Variants in SLC14A2 observed in about 807,000 individuals in gnomAD.
SLC14A2 encodes the protein urea transporter 2.
SLC14A2 carries 91 observed loss-of-function variants against 104.6 expected under a neutral mutation model. That is an observed-to-expected ratio of 0.87 (90% confidence interval 0.73 to 1.04). The LOEUF (loss-of-function observed/expected upper bound fraction) is 1.04, where lower values mean the gene tolerates loss of function less well. SLC14A2 is among the 50% of genes least tolerant of loss of function. SLC14A2 has a pLI of 0.00. For missense variants in SLC14A2, 1,189 were observed against 1,156.0 expected, an observed-to-expected ratio of 1.03 and a Z score of -0.41; for synonymous variants, 476 against 466.4, an observed-to-expected ratio of 1.02 and a Z score of -0.27.
At chr18:45,268,999 T>G (rs1312335221) in intron 1 of SLC14A2, among the ~76,000 whole-genome samples, 7 of 147,824 alleles carry the variant, frequency 4.7e-5, no homozygotes, top group Non-Finnish European at 1.1e-4. Context: ...CAAAACGGGA[T>G]GGGAGGAGGC....
chr18:45,477,853 C>G (rs2087414531), intron 1 of SLC14A2, among the ~76,000 whole-genome samples: 1 of 152,186 alleles, frequency 6.6e-6, no homozygotes, highest in African/African-American at 2.4e-5. Flanking sequence ...TCGAGCATCC[C>G]AGGCTGACTT....
intron 1 of SLC14A2, among the ~76,000 whole-genome samples, chr18:45,246,527 T>G (rs1336359953): frequency 1.3e-5 from 2 of 152,180 alleles, no homozygotes; most frequent in African/African-American, 4.8e-5. Context: ...TTACCTCATT[T>G]CAAACCTCTC....
chr18:45,443,562 AC>A (rs1325025162), intron 1 of SLC14A2, among the ~76,000 whole-genome samples: 2 of 151,654 alleles, frequency 1.3e-5, no homozygotes, highest in African/African-American at 4.8e-5. Flanking sequence ...CTTGATTTAC[AC>A]AGAAAGGCAG....
intron 2 of SLC14A2, among the ~76,000 whole-genome samples, chr18:45,557,351 C>T (rs992880934): frequency 2.6e-5 from 4 of 152,192 alleles, no homozygotes; most frequent in South Asian, 2.1e-4. Flanking sequence ...GTCGCCAATG[C>T]GTCTCTTTGA....
chr18:45,337,724 T>A (rs1056291015), intron 1 of SLC14A2, among the ~76,000 whole-genome samples: 1 of 152,144 alleles, frequency 6.6e-6, no homozygotes, highest in African/African-American at 2.4e-5. Context: ...GGCAATAAGA[T>A]ACCAAATTCT....
intron 1 of SLC14A2, among the ~76,000 whole-genome samples, chr18:45,218,051 C>T (rs1002894797): frequency 4.6e-5 from 7 of 152,070 alleles, no homozygotes; most frequent in East Asian, 3.8e-4. Context: ...ACCATTTTAA[C>T]GATCTTTAAG....
At chr18:45,434,115 C>A (rs1598807371) in intron 1 of SLC14A2, among the ~76,000 whole-genome samples, 1 of 152,146 alleles carries the variant, frequency 6.6e-6, no homozygotes. Context: ...CACAGGGAAC[C>A]CTATGGTCTG....
chr18:45,456,170 C>G (rs907145868), intron 1 of SLC14A2, among the ~76,000 whole-genome samples: 5 of 152,078 alleles, frequency 3.3e-5, no homozygotes, highest in African/African-American at 1.2e-4. Flanking sequence ...AAAAGTGTCC[C>G]CAGACATAGC....
upstream of SLC14A2, among the ~76,000 whole-genome samples, chr18:45,611,798 C>T (rs1014434507): frequency 4.6e-5 from 7 of 152,144 alleles, no homozygotes; most frequent in Non-Finnish European, 1.0e-4. Flanking sequence ...ATCACTGACC[C>T]TGCAAAACAA....
chr18:45,278,353 C>T (rs1356637090), intron 1 of SLC14A2, among the ~76,000 whole-genome samples: 1 of 152,138 alleles, frequency 6.6e-6, no homozygotes, highest in East Asian at 1.9e-4. Context: ...TTATGATGTT[C>T]AGCAGAATGC....
intron 1 of SLC14A2, among the ~76,000 whole-genome samples, chr18:45,359,594 G>T (rs1433997296): frequency 1.3e-5 from 2 of 152,232 alleles, no homozygotes; most frequent in Non-Finnish European, 2.9e-5. Flanking sequence ...AATCAGGGCA[G>T]TTTCCTTGGA....
chr18:45,591,968 A>T (rs1039274569), intron 2 of SLC14A2, among the ~76,000 whole-genome samples: 1 of 152,154 alleles, frequency 6.6e-6, no homozygotes, highest in African/African-American at 2.4e-5. Context: ...AAGCCTTTTG[A>T]TTTTAACCTC....
rs182508235 is a variant in SLC14A2 at position 45,467,382 on chromosome 18, G to C, written c.-124-15851G>C. Among the ~76,000 whole-genome samples, 1,166 of 152,216 alleles carry C rather than the reference G, an allele frequency of 7.7e-3. 53 individuals carry two copies. Among genetic ancestry groups the C allele is most frequent in the Admixed American group, 0.068 (1,046 of 15,298 alleles). On this transcript the variant is annotated intron_variant, in intron 1 of 20. Coordinates refer to the SLC14A2 transcript ENST00000586448. Reference sequence around the variant, plus strand: ...CATTTCCCCCATATTGGCTGTTGTTGAGGTTTGGCATCAGCCCCTGCAACC... The same window carrying C: ...CATTTCCCCCATATTGGCTGTTGTTCAGGTTTGGCATCAGCCCCTGCAACC...
At chr18:45,327,223 T>C (rs2085244331) in intron 1 of SLC14A2, among the ~76,000 whole-genome samples, 3 of 150,062 alleles carry the variant, frequency 2.0e-5, no homozygotes, top group Admixed American at 6.6e-5. Flanking sequence ...ACCTACTTGG[T>C]AGGAGCCATA....
chr18:45,668,082 C>T (rs1307824982), intron 14 of SLC14A2, 60 bp downstream of exon 14: 1 of 1,472,894 alleles, frequency 6.8e-7, no homozygotes, highest in Non-Finnish European at 9.5e-7. Flanking sequence ...CCATGGGGAC[C>T]ATTCTTCCTC....
At chr18:45,245,709 G>A (rs2084361930) in intron 1 of SLC14A2, among the ~76,000 whole-genome samples, 1 of 152,190 alleles carries the variant, frequency 6.6e-6, no homozygotes, top group African/African-American at 2.4e-5. Context: ...ACTGTATGCA[G>A]AAGAGATCAT....
At chr18:45,613,531 G>A (rs887867826), upstream of SLC14A2, among the ~76,000 whole-genome samples, 1 of 152,204 alleles carries the variant, frequency 6.6e-6, no homozygotes, top group Non-Finnish European at 1.5e-5. Flanking sequence ...GAATGATTTT[G>A]ACCAAAATGC....
the SLC14A2 span, among the ~76,000 whole-genome samples, chr18:45,204,398 A>G: frequency 6.6e-6 from 1 of 152,184 alleles, no homozygotes; most frequent in Non-Finnish European, 1.5e-5. Context: ...GTGATTGTAG[A>G]GCTGGCTTGT....
intron 2 of SLC14A2, among the ~76,000 whole-genome samples, chr18:45,608,660 G>C (rs975979630): frequency 2.0e-5 from 3 of 152,148 alleles, no homozygotes; most frequent in African/African-American, 7.2e-5. Flanking sequence ...CAACTTATCT[G>C]TCCCATTACC....
Sources: allele counts gnomAD v4.1 joint callset (sites outside exome capture counted in the v4.1 genomes callset), GRCh38; gene constraint gnomAD v4.1.1; transcripts MANE v1.5; gene names NCBI Gene and HGNC (gene_info 2026-07-23, HGNC 2026-07-21).